The following IL34 variants were observed in gnomAD, a reference collection of about 807,000 sequenced individuals.
IL34 encodes interleukin 34, also known as interleukin-34.
IL34 carries 17 observed loss-of-function variants against 25.3 expected under a neutral mutation model. The observed-to-expected ratio is 0.67, with a 90% CI of 0.46 to 1.01. The LOEUF is 1.01. IL34 is among the 50% of genes least tolerant of loss of function. The pLI is 0.00. For synonymous variants in IL34, 174 were observed against 140.9 expected (o/e 1.23, Z -1.66); for missense variants, 368 against 312.9 (o/e 1.18, Z -1.33).
At chr16:70,602,690 A>G (rs1375050322) in intron 1 of IL34, among the ~76,000 whole-genome samples, 2 of 151,724 alleles carry the variant, frequency 1.3e-5, no homozygotes, top group African/African-American at 2.4e-5. Flanking sequence ...AGTGACTAAC[A>G]TTAACTATTA....
At chr16:70,589,914 C>T (rs2050733519) in intron 1 of IL34, among the ~76,000 whole-genome samples, 1 of 152,200 alleles carries the variant, frequency 6.6e-6, no homozygotes, top group African/African-American at 2.4e-5. Flanking sequence ...TGAGCCACTG[C>T]ACCCGGCCTT....
chr16:70,625,986 T>TC (rs1341945369), intron 1 of IL34, among the ~76,000 whole-genome samples: 1 of 151,816 alleles, frequency 6.6e-6, no homozygotes, highest in African/African-American at 2.4e-5. Context: ...CCAAGGGAGG[T>TC]CCCCCGATCC....
chr16:70,613,605 G>A (rs535686571), intron 1 of IL34, among the ~76,000 whole-genome samples: 1 of 152,274 alleles, frequency 6.6e-6, no homozygotes, highest in Admixed American at 6.5e-5. Flanking sequence ...CAGGAGTGGT[G>A]GCTCACACCT....
chr16:70,628,862 A>C (rs2051456099), intron 1 of IL34, among the ~76,000 whole-genome samples: 1 of 146,348 alleles, frequency 6.8e-6, no homozygotes, highest in Non-Finnish European at 1.5e-5. Flanking sequence ...ATCACAGCTC[A>C]CTATAGCTTC....
chr16:70,650,318 A>G (rs1400215251), intron 1 of IL34, among the ~76,000 whole-genome samples: 5 of 152,148 alleles, frequency 3.3e-5, no homozygotes, highest in Admixed American at 1.3e-4. Flanking sequence ...CTTAGCAATG[A>G]TGTTTGGGCT....
intron 1 of IL34, among the ~76,000 whole-genome samples, chr16:70,651,097 A>C (rs1322999744): frequency 6.6e-6 from 1 of 152,134 alleles, no homozygotes; most frequent in Non-Finnish European, 1.5e-5. Context: ...CTGTAATCCC[A>C]GGTCATGAGT....
At chr16:70,642,782 C>T (rs1567459743), upstream of IL34, among the ~76,000 whole-genome samples, 1 of 152,130 alleles carries the variant, frequency 6.6e-6, no homozygotes, top group East Asian at 1.9e-4. Context: ...TGAATGAACC[C>T]TGAAAACATG....
chr16:70,631,305 T>C (rs1394366112), intron 1 of IL34, among the ~76,000 whole-genome samples: 1 of 152,200 alleles, frequency 6.6e-6, no homozygotes, highest in Non-Finnish European at 1.5e-5. Flanking sequence ...CTAAGTCTCC[T>C]TTCCTGCAGT....
chr16:70,633,536 A>G (rs1181778095), intron 1 of IL34, among the ~76,000 whole-genome samples: 1 of 152,180 alleles, frequency 6.6e-6, no homozygotes, highest in East Asian at 1.9e-4. Flanking sequence ...AAGTGCTGGG[A>G]TTCCAGGTGT....
intron 1 of IL34, among the ~76,000 whole-genome samples, chr16:70,626,736 A>G (rs1392512086): frequency 6.6e-6 from 1 of 152,056 alleles, no homozygotes; most frequent in Non-Finnish European, 1.5e-5. Context: ...ATTATTTTAT[A>G]TTCAAATTTT....
At chr16:70,658,154 C>A (rs1551530) in intron 4 of IL34, among the ~76,000 whole-genome samples, 2 of 151,858 alleles carry the variant, frequency 1.3e-5, no homozygotes, top group Non-Finnish European at 2.9e-5. Context: ...CCCAGCTTGT[C>A]GGGAGAACAT....
intron 1 of IL34, among the ~76,000 whole-genome samples, chr16:70,637,800 T>C (rs2051690357): frequency 6.6e-6 from 1 of 152,172 alleles, no homozygotes; most frequent in Non-Finnish European, 1.5e-5. Flanking sequence ...GGAGGTTTGA[T>C]TCTCATAGTT....
chr16:70,627,335 C>T (rs1280275646), intron 1 of IL34, among the ~76,000 whole-genome samples: 1 of 152,034 alleles, frequency 6.6e-6, no homozygotes, highest in African/African-American at 2.4e-5. Context: ...ACAAAGTGAA[C>T]ACACCCTTGC....
intron 1 of IL34, among the ~76,000 whole-genome samples, chr16:70,622,360 G>T (rs1392480021): frequency 6.6e-6 from 1 of 152,036 alleles, no homozygotes; most frequent in Non-Finnish European, 1.5e-5. Flanking sequence ...TGTAGGGAAG[G>T]GAGGAGGCCT....
At chr16:70,656,816 C>A in intron 3 of IL34, 137 bp downstream of exon 3, 1 of 1,077,920 alleles carries the variant, frequency 9.3e-7, no homozygotes, top group East Asian at 2.4e-5. Flanking sequence ...CAGGCTGGCC[C>A]TTGGCCCAGG....
At chr16:70,622,652 G>A (rs2051306456) in intron 1 of IL34, among the ~76,000 whole-genome samples, 1 of 152,006 alleles carries the variant, frequency 6.6e-6, no homozygotes, top group Non-Finnish European at 1.5e-5. Flanking sequence ...GGGGTCAGGT[G>A]TGGTATCAGG....
intron 1 of IL34, chr16:70,654,297 G>A: frequency 5.2e-6 from 2 of 383,552 alleles, no homozygotes; most frequent in South Asian, 7.4e-5. Flanking sequence ...CTCCTGGGGG[G>A]CTCCAGTGGC....
intron 1 of IL34, among the ~76,000 whole-genome samples, chr16:70,606,996 C>A (rs952502120): frequency 7.2e-5 from 11 of 152,202 alleles, no homozygotes; most frequent in African/African-American, 2.7e-4. Flanking sequence ...TGGTGCTAGT[C>A]TGTAGACACA....
At chr16:70,628,526 G>T (rs562088528) in intron 1 of IL34, among the ~76,000 whole-genome samples, 2 of 149,536 alleles carry the variant, frequency 1.3e-5, no homozygotes. Context: ...TTGCTCTGTT[G>T]CCCAGGCTGG....
Sources: allele counts gnomAD v4.1 joint callset (sites outside exome capture counted in the v4.1 genomes callset), GRCh38; gene constraint gnomAD v4.1.1; transcripts MANE v1.5; gene names NCBI Gene and HGNC (gene_info 2026-07-23, HGNC 2026-07-21).